The following THSD7A variants were observed in gnomAD, a reference collection of about 807,000 sequenced individuals.
THSD7A encodes the protein thrombospondin type-1 domain-containing protein 7A.
A neutral mutation model predicts 231.3 loss-of-function variants in THSD7A; 96 were observed. That is an observed-to-expected ratio of 0.41 (90% CI 0.35 to 0.49). The LOEUF (loss-of-function observed/expected upper bound fraction) is 0.49. THSD7A is among the 20% of genes least tolerant of loss of function. THSD7A has a pLI of 0.05. For synonymous variants in THSD7A, 940 were observed against 743.3 expected, an observed-to-expected ratio of 1.26 and a Z score of -4.30; for missense variants, 2,290 against 2,070.2, an observed-to-expected ratio of 1.11 and a Z score of -2.06.
chr7:11,732,911 G>A (rs556695544), intron 1 of THSD7A, among the ~76,000 whole-genome samples: 1 of 151,842 alleles, frequency 6.6e-6, no homozygotes, highest in South Asian at 2.1e-4. Flanking sequence ...GGATGACCCT[G>A]TACCACTTAT....
At position 11,749,539 on chromosome 7, in the gene THSD7A, G is replaced by T. The variant is rs573818220; in HGVS notation, c.190+82218C>A. 3.3e-5 allele frequency among the ~76,000 whole-genome samples: 5 copies of T among 152,038 alleles called. No individual in the cohort carries two copies. The South Asian group carries it at 1.0e-3, about 32-fold the overall frequency. On this transcript the variant is annotated intron_variant, in intron 1 of 27. Transcript: ENST00000423059. Reference sequence around the variant, plus strand: ...GTTTGACTCAGACAACCAAGTATTTGGGTTTAACAATTAAAAGTCTTCTTG... The same window carrying T: ...GTTTGACTCAGACAACCAAGTATTTTGGTTTAACAATTAAAAGTCTTCTTG...
intron 1 of THSD7A, among the ~76,000 whole-genome samples, chr7:11,683,286 T>C (rs1783939552): frequency 6.6e-6 from 1 of 151,594 alleles, no homozygotes; most frequent in South Asian, 2.1e-4. Context: ...ACATAATTAA[T>C]CACAAATTAA....
intron 1 of THSD7A, among the ~76,000 whole-genome samples, chr7:11,673,314 C>A (rs1292475205): frequency 1.3e-5 from 2 of 152,082 alleles, no homozygotes; most frequent in Non-Finnish European, 2.9e-5. Flanking sequence ...CAGGGAGAGA[C>A]AACTGGAGAA....
intron 1 of THSD7A, among the ~76,000 whole-genome samples, chr7:11,777,828 G>T (rs1783467219): frequency 6.6e-6 from 1 of 152,006 alleles, no homozygotes; most frequent in Non-Finnish European, 1.5e-5. Context: ...CACCATGGAG[G>T]CAGGCAAAAC....
intron 2 of THSD7A, among the ~76,000 whole-genome samples, chr7:11,608,386 G>T (rs1584073731): frequency 6.6e-6 from 1 of 152,202 alleles, no homozygotes; most frequent in East Asian, 1.9e-4. Flanking sequence ...TTGATTAACT[G>T]TTACATACTC....
intron 1 of THSD7A, among the ~76,000 whole-genome samples, chr7:11,818,128 A>G (rs1267042286): frequency 6.6e-6 from 1 of 152,232 alleles, no homozygotes; most frequent in African/African-American, 2.4e-5. Flanking sequence ...TCTCTGGTGC[A>G]ATAGAGAACA....
Position 11,407,434 on chromosome 7 carries a change from AG to A in THSD7A, c.3799-12del. On this transcript the variant is annotated splice_polypyrimidine_tract_variant and intron_variant, in intron 19 of 27. Coordinates refer to ENST00000423059, the MANE Select transcript of THSD7A (RefSeq NM_015204.3). ...CTTCTCCAAGCCAAGCTGGAAGAAC[AG>A]AGGTAGATCAGGATGTATATTGTAA... 6.3e-7 allele frequency: 1 copy of A among 1,599,282 alleles called. No homozygotes were observed.
At chr7:11,498,767 G>A (rs1391523397) in intron 6 of THSD7A, among the ~76,000 whole-genome samples, 2 of 152,152 alleles carry the variant, frequency 1.3e-5, no homozygotes, top group African/African-American at 4.8e-5. Context: ...AAAGCTCCTA[G>A]AGGGAGAGAG....
chr7:11,507,674 TG>T, intron 6 of THSD7A, among the ~76,000 whole-genome samples: 1 of 152,210 alleles, frequency 6.6e-6, no homozygotes, highest in East Asian at 1.9e-4. Context: ...AATACTAATT[TG>T]GCATATTTTT....
chr7:11,419,890 C>T (rs921785312), intron 16 of THSD7A, among the ~76,000 whole-genome samples: 8 of 152,128 alleles, frequency 5.3e-5, no homozygotes, highest in African/African-American at 1.2e-4. Flanking sequence ...GCATTGTGCC[C>T]CTGCTCTAGA....
intron 1 of THSD7A, among the ~76,000 whole-genome samples, chr7:11,660,203 A>C (rs761414566): frequency 1.3e-5 from 2 of 151,526 alleles, no homozygotes; most frequent in Non-Finnish European, 3.0e-5. Context: ...CAACTATGTC[A>C]AGTACTGTGC....
At chr7:11,492,657 T>C (rs1432358747) in intron 6 of THSD7A, among the ~76,000 whole-genome samples, 1 of 152,026 alleles carries the variant, frequency 6.6e-6, no homozygotes, top group African/African-American at 2.4e-5. Flanking sequence ...ATCTGAACAA[T>C]ATTTGGAGAG....
intron 1 of THSD7A, among the ~76,000 whole-genome samples, chr7:11,679,567 C>G (rs1783784431): frequency 6.6e-6 from 1 of 151,778 alleles, no homozygotes; most frequent in Non-Finnish European, 1.5e-5. Context: ...AGACAGAGAG[C>G]CAAATCATAA....
At chr7:11,784,815 T>A (rs368045232) in intron 1 of THSD7A, among the ~76,000 whole-genome samples, 46 of 152,162 alleles carry the variant, frequency 3.0e-4, no homozygotes, top group African/African-American at 9.6e-4. Context: ...AATTTTAGAG[T>A]GAGCAAATGT....
chr7:11,529,510 C>T (rs891832572), intron 6 of THSD7A, among the ~76,000 whole-genome samples: 1 of 152,062 alleles, frequency 6.6e-6, no homozygotes, highest in Non-Finnish European at 1.5e-5. Context: ...GTATTTACAT[C>T]ATGGGGATGG....
chr7:11,646,846 A>G (rs1782302772), intron 1 of THSD7A, among the ~76,000 whole-genome samples: 1 of 152,042 alleles, frequency 6.6e-6, no homozygotes, highest in African/African-American at 2.4e-5. Flanking sequence ...TTTATATGCA[A>G]TAGTTTATTT....
chr7:11,596,278 C>T (rs1780354530), intron 2 of THSD7A, among the ~76,000 whole-genome samples: 1 of 152,192 alleles, frequency 6.6e-6, no homozygotes. Context: ...TTGGGGATTA[C>T]TGGACACTGG....
Position 11,375,745 on chromosome 7 carries a change from C to T in THSD7A, c.*49G>A. 1 of 1,499,964 alleles carries T rather than the reference C, an allele frequency of 6.7e-7. No homozygotes were observed. Among genetic ancestry groups the T allele is most frequent in the Non-Finnish European group, 9.3e-7 (1 of 1,078,734 alleles). 92.9% of individuals were successfully genotyped at this position (1,499,964 alleles called of 1,614,324 possible). On this transcript the variant is annotated 3_prime_UTR_variant, in exon 28 of 28. Transcript: ENST00000423059. Reference sequence around the variant, plus strand: ...TACATTTGTTGTGGCCTCTGGACATCTATGAAGTCAGAAAGCCGAAACTGG... The same window carrying T: ...TACATTTGTTGTGGCCTCTGGACATTTATGAAGTCAGAAAGCCGAAACTGG...
At chr7:11,826,944 A>C (rs1171941835) in intron 1 of THSD7A, among the ~76,000 whole-genome samples, 1 of 152,146 alleles carries the variant, frequency 6.6e-6, no homozygotes, top group Non-Finnish European at 1.5e-5. Flanking sequence ...CACAAAGATA[A>C]GTTAACTTTG....
Sources: gnomAD v4.1 joint callset for allele counts (sites outside exome capture counted in the v4.1 genomes callset) on GRCh38, gnomAD v4.1.1 for gene constraint, MANE v1.5 for transcripts, NCBI Gene and HGNC (gene_info 2026-07-23, HGNC 2026-07-21) for gene names.